Variants in RALYL observed in about 807,000 individuals in gnomAD.
RALYL encodes RALY RNA binding protein like.
A neutral mutation model predicts 35.1 loss-of-function variants in RALYL; 29 were observed. The ratio of observed to expected loss-of-function variants is 0.83; its 90% CI spans 0.61 to 1.13. RALYL has a LOEUF of 1.13. Ranked by LOEUF, RALYL falls within the 50% of genes most tolerant of loss-of-function variation. The pLI is 0.00. For synonymous variants in RALYL, 120 were observed against 127.6 expected (o/e 0.94, Z 0.40); for missense variants, 359 against 360.4 (o/e 1.00, Z 0.03).
At chr8:84,191,313 G>T (rs1422581690) in intron 1 of RALYL, among the ~76,000 whole-genome samples, 2 of 152,052 alleles carry the variant, frequency 1.3e-5, no homozygotes, top group Admixed American at 6.5e-5. Flanking sequence ...AAATAGCAGA[G>T]AATATTCTGA....
chr8:84,348,273 C>T (rs1850225970), intron 1 of RALYL, among the ~76,000 whole-genome samples: 2 of 152,116 alleles, frequency 1.3e-5, no homozygotes, highest in Admixed American at 6.6e-5. Flanking sequence ...TATTTGGTAT[C>T]TTTGCACCAG....
chr8:84,315,819 A>C (rs988286219), intron 1 of RALYL, among the ~76,000 whole-genome samples: 1 of 100,924 alleles, frequency 9.9e-6, no homozygotes, highest in East Asian at 2.9e-4. Context: ...CCACTGCCTG[A>C]AAAAAAAAAA....
chr8:84,766,857 T>G (rs1252119828), intron 2 of RALYL, among the ~76,000 whole-genome samples: 1 of 151,980 alleles, frequency 6.6e-6, no homozygotes, highest in African/African-American at 2.4e-5. Flanking sequence ...TGTATAAATT[T>G]AATTAACAAT....
At chr8:84,868,637 A>G (rs1050253685) in intron 6 of RALYL, among the ~76,000 whole-genome samples, 9 of 152,244 alleles carry the variant, frequency 5.9e-5, no homozygotes, top group Admixed American at 2.0e-4. Context: ...CAAGATGAAC[A>G]GATGCATATA....
chr8:84,237,661 A>G (rs948472583), intron 1 of RALYL, among the ~76,000 whole-genome samples: 5 of 152,206 alleles, frequency 3.3e-5, no homozygotes, highest in African/African-American at 1.2e-4. Context: ...TTTAAAATAA[A>G]TAGAGGAACA....
At chr8:84,206,737 C>T (rs114162035) in intron 1 of RALYL, among the ~76,000 whole-genome samples, 2,938 of 152,076 alleles carry the variant, frequency 0.019, 33 homozygotes, top group African/African-American at 0.033. Flanking sequence ...GAGATTGTGG[C>T]GCGACATTTA....
intron 2 of RALYL, among the ~76,000 whole-genome samples, chr8:84,637,666 G>T: frequency 6.6e-6 from 1 of 151,842 alleles, no homozygotes; most frequent in East Asian, 1.9e-4. Context: ...TACAAGGTCT[G>T]CATATCTTGT....
At chr8:84,438,231 C>A (rs1461386021) in intron 1 of RALYL, among the ~76,000 whole-genome samples, 1 of 152,090 alleles carries the variant, frequency 6.6e-6, no homozygotes, top group Admixed American at 6.6e-5. Context: ...TTGATAATTT[C>A]TTTTCCTGTG....
intron 2 of RALYL, among the ~76,000 whole-genome samples, chr8:84,587,549 C>T (rs1812281645): frequency 6.6e-6 from 1 of 152,116 alleles, no homozygotes; most frequent in Admixed American, 6.5e-5. Flanking sequence ...TTTCATTCCC[C>T]AGATAAGAGT....
chr8:84,647,894 G>A (rs768100284), intron 2 of RALYL, among the ~76,000 whole-genome samples: 36 of 152,104 alleles, frequency 2.4e-4, no homozygotes, highest in Non-Finnish European at 4.4e-4. Context: ...ATGTGAGTTA[G>A]TGCAAGGTGC....
chr8:84,617,012 A>C (rs2130978821), intron 2 of RALYL, among the ~76,000 whole-genome samples: 1 of 150,512 alleles, frequency 6.6e-6, no homozygotes, highest in African/African-American at 2.5e-5. Context: ...GTATAGTTTG[A>C]AGTCAGGTAG....
At chr8:84,918,369 T>G (rs1449170709) in intron 8 of RALYL, among the ~76,000 whole-genome samples, 1 of 152,046 alleles carries the variant, frequency 6.6e-6, no homozygotes, top group East Asian at 1.9e-4. Context: ...CATTTCATCT[T>G]TGTCAAGTAG....
At chr8:84,842,157 C>A (rs1291469752) in intron 4 of RALYL, among the ~76,000 whole-genome samples, 1 of 150,370 alleles carries the variant, frequency 6.7e-6, no homozygotes, top group African/African-American at 2.4e-5. Context: ...AAAAACCCTT[C>A]AAAAAATTAA....
intron 1 of RALYL, among the ~76,000 whole-genome samples, chr8:84,217,727 CTT>C (rs1213697819): frequency 6.6e-6 from 1 of 152,104 alleles, no homozygotes; most frequent in Non-Finnish European, 1.5e-5. Flanking sequence ...CTTGGAATTA[CTT>C]TGTCTCACTA....
At chr8:84,279,360 A>G (rs1455667564) in intron 1 of RALYL, among the ~76,000 whole-genome samples, 1 of 152,194 alleles carries the variant, frequency 6.6e-6, no homozygotes, top group African/African-American at 2.4e-5. Flanking sequence ...TTCTGCAGCC[A>G]ACAAGATAGG....
At chr8:84,272,383 C>A (rs112242981) in intron 1 of RALYL, among the ~76,000 whole-genome samples, 1 of 152,146 alleles carries the variant, frequency 6.6e-6, no homozygotes, top group African/African-American at 2.4e-5. Flanking sequence ...CGTAAGCCAC[C>A]GCACCTGGCC....
At chr8:84,636,006 T>C (rs1305998176) in intron 2 of RALYL, among the ~76,000 whole-genome samples, 1 of 151,844 alleles carries the variant, frequency 6.6e-6, no homozygotes, top group Non-Finnish European at 1.5e-5. Context: ...ATTTTGGTTC[T>C]TCCATTCTGT....
chr8:84,498,268 G>A (rs952047682), intron 1 of RALYL, among the ~76,000 whole-genome samples: 1 of 151,836 alleles, frequency 6.6e-6, no homozygotes, highest in African/African-American at 2.4e-5. Flanking sequence ...TTCAGCTTGC[G>A]AGTTGTAGAC....
At chr8:84,283,242 A>G (rs1013565261) in intron 1 of RALYL, among the ~76,000 whole-genome samples, 3 of 152,084 alleles carry the variant, frequency 2.0e-5, no homozygotes, top group Non-Finnish European at 2.9e-5. Context: ...TGAGTTTGCT[A>G]TTGCATAGGC....
Sources: allele counts gnomAD v4.1 joint callset (sites outside exome capture counted in the v4.1 genomes callset), GRCh38; gene constraint gnomAD v4.1.1; transcripts MANE v1.5; gene names NCBI Gene and HGNC (gene_info 2026-07-23, HGNC 2026-07-21).